The following ZC3H12C variants were observed in gnomAD, a reference collection of about 807,000 sequenced individuals.
ZC3H12C encodes probable ribonuclease ZC3H12C.
In ZC3H12C, 20 loss-of-function variants were observed where a neutral mutation model predicts 76.3. The observed-to-expected ratio is 0.26, with a 90% CI of 0.18 to 0.38. The LOEUF (loss-of-function observed/expected upper bound fraction) is 0.38. Ranked by LOEUF, ZC3H12C falls within the 10% of genes least tolerant of loss-of-function variation. The probability of loss-of-function intolerance (pLI) is 1.00; values close to 1 mark genes in which losing one functional copy is unlikely to be tolerated. For missense variants in ZC3H12C, 874 were observed against 1,086.5 expected (o/e 0.80, Z 2.75); for synonymous variants, 352 against 399.6 (o/e 0.88, Z 1.42).
At chr11:110,129,339 G>A (rs1303681131) in intron 1 of ZC3H12C, among the ~76,000 whole-genome samples, 1 of 152,094 alleles carries the variant, frequency 6.6e-6, no homozygotes, top group Non-Finnish European at 1.5e-5. Context: ...TCAGTTTTTA[G>A]TAGGCAGAAG....
chr11:110,128,564 C>T (rs1472861021), intron 1 of ZC3H12C, among the ~76,000 whole-genome samples: 1 of 150,394 alleles, frequency 6.6e-6, no homozygotes, highest in Admixed American at 6.9e-5. Context: ...AGGAAGAAAA[C>T]CCAAGGGAAA....
intron 1 of ZC3H12C, among the ~76,000 whole-genome samples, chr11:110,118,266 C>T (rs937831108): frequency 7.9e-5 from 12 of 151,094 alleles, no homozygotes; most frequent in South Asian, 4.2e-4. Context: ...TTGATAAGGA[C>T]GAGGAAATCT....
At chr11:110,103,270 C>T (rs981773960) in intron 1 of ZC3H12C, among the ~76,000 whole-genome samples, 15 of 152,144 alleles carry the variant, frequency 9.9e-5, no homozygotes, top group African/African-American at 3.6e-4. Context: ...ATTTACTTCT[C>T]TTAGTAAAAT....
At chr11:110,137,844 A>G (rs1861998686) in intron 2 of ZC3H12C, among the ~76,000 whole-genome samples, 1 of 152,190 alleles carries the variant, frequency 6.6e-6, no homozygotes, top group Non-Finnish European at 1.5e-5. Flanking sequence ...TTGATTTGAG[A>G]AAAAACCAAA....
intron 1 of ZC3H12C, among the ~76,000 whole-genome samples, chr11:110,113,572 A>T (rs1861472897): frequency 6.6e-6 from 1 of 152,210 alleles, no homozygotes; most frequent in South Asian, 2.1e-4. Flanking sequence ...TACTTTGAAA[A>T]GAAGTCTGTA....
At chr11:110,125,492 ATTTTTAGCAGAGACG>A (rs1861727317) in intron 1 of ZC3H12C, among the ~76,000 whole-genome samples, 1 of 151,976 alleles carries the variant, frequency 6.6e-6, no homozygotes. Flanking sequence ...ATTTTTTTGT[ATTTTTAGCAGAGACG>A]GGGTTTCACC....
intron 1 of ZC3H12C, among the ~76,000 whole-genome samples, chr11:110,125,314 TGTGTGTGG>T: frequency 6.9e-6 from 1 of 145,262 alleles, no homozygotes; most frequent in Admixed American, 6.9e-5. Flanking sequence ...TGTGTGTGTG[TGTGTGTGG>T]TTTTTTTTGT....
chr11:110,107,291 CTGT>C (rs1337151760), intron 1 of ZC3H12C, among the ~76,000 whole-genome samples: 1 of 152,124 alleles, frequency 6.6e-6, no homozygotes, highest in Non-Finnish European at 1.5e-5. Flanking sequence ...ATTTTTATCA[CTGT>C]TGTTCGTTTT....
chr11:110,157,893 T>C (rs536651919), intron 3 of ZC3H12C, among the ~76,000 whole-genome samples: 1 of 152,322 alleles, frequency 6.6e-6, no homozygotes, highest in South Asian at 2.1e-4. Context: ...ATTTTTAATC[T>C]TGATGGCTGT....
chr11:110,101,720 G>C (rs1565246302), intron 1 of ZC3H12C, among the ~76,000 whole-genome samples: 1 of 151,912 alleles, frequency 6.6e-6, no homozygotes, highest in Non-Finnish European at 1.5e-5. Flanking sequence ...GCTAATTTTT[G>C]TATTTTTTTA....
intron 1 of ZC3H12C, chr11:110,131,009 T>A: frequency 2.0e-6 from 3 of 1,535,128 alleles, no homozygotes; most frequent in Non-Finnish European, 2.6e-6. Flanking sequence ...CATTCATTGT[T>A]CTTCTTGCCT....
chr11:110,170,557 CTCTT>C lies in ZC3H12C; in HGVS notation c.*4822_*4825del, dbSNP rs1431867528. On this transcript the variant is annotated 3_prime_UTR_variant, in exon 6 of 6. Transcript: ENST00000278590. Reference sequence around the variant, plus strand: ...ATGTGAGTGGCATGTTACAATGTAACTCTTTATGAGAAATAAAATGTATCTCTGC... The same window carrying C: ...ATGTGAGTGGCATGTTACAATGTAACTATGAGAAATAAAATGTATCTCTGC... The C allele has an allele frequency of 1.3e-5, 2 of 152,142 alleles. No homozygotes were observed. The highest frequency in any genetic ancestry group is 2.9e-5 in the Non-Finnish European group (2 of 67,994). 9.4% of individuals were successfully genotyped at this position (152,142 alleles called of 1,614,324 possible).
rs778109020 is a variant in ZC3H12C, at chr11:110,165,606, A to G, written c.2521A>G (p.Ile841Val). Residue 841 changes from isoleucine to valine, a missense_variant, in exon 6 of 6, where the codon ATT (isoleucine) becomes GTT (valine). By Grantham distance (29) the Ile-to-Val change is conservative. This residue lies in a region of ZC3H12C where 395 missense variants were observed against 434.4 expected (regional missense o/e 0.91). Coordinates refer to ENST00000278590, the MANE Select transcript of ZC3H12C (RefSeq NM_033390.2). ...GAGGTATCAAGACAACCGAGAAAAG[A>G]TTTATATCAATTTGTGCAACATCTT... ...PPRYQDNREKIYINLCNIFPP... is the reference protein window; with the variant it reads ...PPRYQDNREKVYINLCNIFPP... The G allele has an allele frequency of 1.6e-5, 25 of 1,602,976 alleles. 1 individual carries two copies. In the South Asian group the frequency reaches 2.8e-4, roughly 18 times the overall value.
chr11:110,126,529 T>C (rs78843268), intron 1 of ZC3H12C, among the ~76,000 whole-genome samples: 1,742 of 152,290 alleles, frequency 0.011, 31 homozygotes, highest in African/African-American at 0.039. Context: ...TGTTTTTCTT[T>C]CTTATTATTA....
Position 110,164,799 on chromosome 11 carries a change from C to T in ZC3H12C, c.1714C>T (p.Pro572Ser). 4 of 1,613,996 alleles carry T rather than the reference C, an allele frequency of 2.5e-6. No individual in the cohort carries two copies. Among genetic ancestry groups the T allele is most frequent in the Non-Finnish European group, 3.4e-6 (4 of 1,179,882 alleles). ...GATGGCAACCAAAAATCATGGAACG[C>T]CAATGCCTTATGAACAGTATCCAAA... ...MMMATKNHGT[P>S]MPYEQYPKCD... The change falls in exon 6 of 6, where the codon CCA becomes TCA. Residue 572 changes from proline (P) to serine (S), a missense_variant. Transcript: ENST00000278590. This position sits in a 1 kb window ranked among gnomAD's most constrained non-coding sequence, Gnocchi z 5.7.
chr11:110,110,732 G>C (rs771777177), intron 1 of ZC3H12C, among the ~76,000 whole-genome samples: 14 of 151,966 alleles, frequency 9.2e-5, no homozygotes, highest in Non-Finnish European at 1.5e-4. Flanking sequence ...CATTGAGAGA[G>C]CCTCTGACTG....
chr11:110,112,209 A>T (rs1265937919), intron 1 of ZC3H12C, among the ~76,000 whole-genome samples: 4 of 152,160 alleles, frequency 2.6e-5, no homozygotes, highest in Admixed American at 2.6e-4. Flanking sequence ...ACATATACAT[A>T]TATTTTTGAG....
At chr11:110,097,149 T>G (rs1485079331) in intron 1 of ZC3H12C, among the ~76,000 whole-genome samples, 2 of 152,232 alleles carry the variant, frequency 1.3e-5, no homozygotes, top group African/African-American at 4.8e-5. Context: ...TCTGTTTAAT[T>G]ATTCTTAGCA....
chr11:110,093,511 C>A lies in ZC3H12C; in HGVS notation c.21+79C>A. 3.7e-6 allele frequency: 4 copies of A among 1,078,750 alleles called. 1 individual carries two copies. Among genetic ancestry groups the A allele is most frequent in the African/African-American group, 1.7e-5 (1 of 58,492 alleles). 66.8% of individuals were successfully genotyped at this position (1,078,750 alleles called of 1,614,324 possible). ...GGGTAGCCGGTCGTGGGGAGGGCCG[C>A]GGGGCCGCGCCCGGGCGCCAGGCGG... On this transcript the variant is annotated intron_variant, in intron 1 of 5. Coordinates refer to ENST00000278590, the MANE Select transcript of ZC3H12C (RefSeq NM_033390.2).
Sources: gnomAD v4.1 joint callset for allele counts (sites outside exome capture counted in the v4.1 genomes callset) on GRCh38, gnomAD v4.1.1 for gene constraint, gnomAD v4.1.1 regional missense constraint, Gnocchi (gnomAD v3.1) non-coding constraint, MANE v1.5 for transcripts, NCBI Gene and HGNC (gene_info 2026-07-23, HGNC 2026-07-21) for gene names.